Variants in DAPK2 observed in about 807,000 individuals in gnomAD.
DAPK2 encodes the protein death associated protein kinase 2.
A neutral mutation model predicts 44.1 loss-of-function variants in DAPK2; 35 were observed. That is an observed-to-expected ratio of 0.79 (90% CI 0.61 to 1.05). DAPK2 has a LOEUF of 1.05. Among genes scored for constraint, DAPK2 ranks in the 50% least tolerant of loss-of-function variants. The pLI is 0.00. For synonymous variants in DAPK2, 174 were observed against 182.6 expected, an observed-to-expected ratio of 0.95 and a Z score of 0.38; for missense variants, 453 against 483.2, an observed-to-expected ratio of 0.94 and a Z score of 0.59.
intron 8 of DAPK2, 77 bp downstream of exon 9, chr15:63,924,739 G>A (rs2079189359): frequency 6.6e-7 from 1 of 1,524,546 alleles, no homozygotes; most frequent in Non-Finnish European, 9.1e-7. Flanking sequence ...TGGGCCCTCT[G>A]CATCTGGCTG....
chr15:64,006,389 C>CT (rs1374719923), intron 1 of DAPK2, among the ~76,000 whole-genome samples: 1 of 152,146 alleles, frequency 6.6e-6, no homozygotes, highest in East Asian at 1.9e-4. Context: ...GCAAAAATGA[C>CT]TTTTTTCTCC....
At chr15:63,957,042 A>C (rs1204087302) in intron 3 of DAPK2, among the ~76,000 whole-genome samples, 1 of 152,218 alleles carries the variant, frequency 6.6e-6, no homozygotes, top group Non-Finnish European at 1.5e-5. Flanking sequence ...ATTAAGTCCT[A>C]TGTTTCTTTG....
In DAPK2 at chr15:63,961,765, G is replaced by T. The variant is rs986050593; in HGVS notation, c.453+9658C>A. On this transcript the variant is annotated intron_variant, in intron 3 of 10. Transcript: ENST00000261891. ...GGTAACCCGACCTTTCTCTCTGGCT[G>T]CCATTAACATTTTTTTCCTTTATTT... Among the ~76,000 whole-genome samples, 31 of 152,168 alleles carry T rather than the reference G, an allele frequency of 2.0e-4. 1 individual carries two copies. The highest frequency in any genetic ancestry group is 2.9e-5 in the Non-Finnish European group (2 of 68,032).
intron 1 of DAPK2, among the ~76,000 whole-genome samples, chr15:64,016,948 C>A (rs1305162738): frequency 6.6e-6 from 1 of 152,068 alleles, no homozygotes; most frequent in East Asian, 1.9e-4. Flanking sequence ...AACAGGAGCA[C>A]AATAAATGGC....
intron 1 of DAPK2, among the ~76,000 whole-genome samples, chr15:64,008,107 A>C (rs2079285175): frequency 6.6e-6 from 1 of 152,126 alleles, no homozygotes; most frequent in African/African-American, 2.4e-5. Flanking sequence ...TGGTCACACA[A>C]CTCTGAATAC....
intron 1 of DAPK2, among the ~76,000 whole-genome samples, chr15:63,998,694 C>T (rs1411204336): frequency 6.6e-6 from 1 of 152,208 alleles, no homozygotes; most frequent in Non-Finnish European, 1.5e-5. Context: ...TTTCCGTGTG[C>T]ACAGCTTGGC....
chr15:63,942,622 T>C (rs769500114), intron 3 of DAPK2, among the ~76,000 whole-genome samples: 3 of 151,632 alleles, frequency 2.0e-5, no homozygotes, highest in Non-Finnish European at 2.9e-5. Flanking sequence ...CAGGGCCATG[T>C]TTCCCCCGCC....
chr15:63,979,684 G>A (rs2078448861), intron 2 of DAPK2, among the ~76,000 whole-genome samples: 1 of 152,072 alleles, frequency 6.6e-6, no homozygotes, highest in African/African-American at 2.4e-5. Flanking sequence ...AGGCCAAGGC[G>A]AGTGGATCAC....
At chr15:63,988,125 A>G (rs1465190800) in intron 1 of DAPK2, among the ~76,000 whole-genome samples, 2 of 152,098 alleles carry the variant, frequency 1.3e-5, no homozygotes, top group Admixed American at 6.5e-5. Context: ...TCTGTCAGGA[A>G]CACACCCCTC....
At chr15:64,022,992 A>C (rs1474225910) in intron 1 of DAPK2, among the ~76,000 whole-genome samples, 1 of 152,176 alleles carries the variant, frequency 6.6e-6, no homozygotes, top group Non-Finnish European at 1.5e-5. Flanking sequence ...TTTTCTGGCA[A>C]AAGTGCTAGG....
intron 1 of DAPK2, among the ~76,000 whole-genome samples, chr15:64,003,381 G>A (rs564669893): frequency 6.6e-5 from 10 of 152,332 alleles, no homozygotes; most frequent in African/African-American, 1.7e-4. Context: ...CTCTATCATA[G>A]GCAGTGCATT....
chr15:63,922,223 A>G, intron 8 of DAPK2: 1 of 937,602 alleles, frequency 1.1e-6, no homozygotes, highest in Non-Finnish European at 1.3e-6. Context: ...GTCAGACATG[A>G]GTGCTTGGTA....
chr15:63,913,228 G>A (rs1032021314), intron 8 of DAPK2, among the ~76,000 whole-genome samples: 3 of 152,040 alleles, frequency 2.0e-5, no homozygotes, highest in East Asian at 1.9e-4. Flanking sequence ...GCTACTAAAG[G>A]GTATGACATT....
intron 2 of DAPK2, among the ~76,000 whole-genome samples, chr15:63,981,244 C>T (rs1199114270): frequency 7.9e-5 from 12 of 152,114 alleles, no homozygotes; most frequent in African/African-American, 2.7e-4. Context: ...GCCCCCTCAC[C>T]GTGTGATGCA....
intron 3 of DAPK2, among the ~76,000 whole-genome samples, chr15:63,941,992 G>T (rs2077322244): frequency 6.6e-6 from 1 of 152,220 alleles, no homozygotes; most frequent in African/African-American, 2.4e-5. Context: ...CCAGGGAAAA[G>T]ACAGTGAGAC....
At chr15:64,036,306 T>TATATATATATATATATAC (rs2080187151) in intron 1 of DAPK2, among the ~76,000 whole-genome samples, 2 of 118,296 alleles carry the variant, frequency 1.7e-5, no homozygotes, top group African/African-American at 6.1e-5. Context: ...TGTGTGTGTG[T>TATATATATATATATATAC]GTGTATATAT....
intron 4 of DAPK2, among the ~76,000 whole-genome samples, chr15:63,935,089 C>CTTTTTT (rs35739549): frequency 4.8e-5 from 6 of 124,468 alleles, no homozygotes; most frequent in Non-Finnish European, 8.2e-5. Context: ...TCTTTGCCTT[C>CTTTTTT]TTTTTTTTTT....
At chr15:63,999,495 T>C (rs2079030048) in intron 1 of DAPK2, among the ~76,000 whole-genome samples, 1 of 152,206 alleles carries the variant, frequency 6.6e-6, no homozygotes, top group Non-Finnish European at 1.5e-5. Flanking sequence ...GCCCAGGACC[T>C]CAGGTCCCTT....
intron 1 of DAPK2, 59 bp from the exon 3 acceptor site, chr15:63,983,813 C>A: frequency 6.8e-7 from 1 of 1,475,934 alleles, no homozygotes; most frequent in Non-Finnish European, 9.3e-7. Flanking sequence ...GGAAATGACC[C>A]CACTGTCAGC....
Sources: gnomAD v4.1 joint callset for allele counts (sites outside exome capture counted in the v4.1 genomes callset) on GRCh38, gnomAD v4.1.1 for gene constraint, MANE v1.5 for transcripts, NCBI Gene and HGNC (gene_info 2026-07-23, HGNC 2026-07-21) for gene names.